CHLSN: variants seen among roughly 807,000 people sequenced by gnomAD.
The protein encoded by CHLSN is cholesin.
At chr7:997,246 G>A in the CHLSN span, 1 of 177,964 alleles carries the variant, frequency 5.6e-6, no homozygotes, top group Non-Finnish European at 1.2e-5. Context: ...GCTGGCGGGA[G>A]GAGCCAGCAT....
chr7:1,047,519 A>C, the CHLSN span, among the ~76,000 whole-genome samples: 1 of 152,384 alleles, frequency 6.6e-6, no homozygotes, highest in East Asian at 1.9e-4. Context: ...TTTCCTAAGC[A>C]TCTGGCTCCT....
the CHLSN span, among the ~76,000 whole-genome samples, chr7:1,060,009 G>GGCGGGTCCGTAGTGAA: frequency 1.4e-3 from 127 of 88,186 alleles, no homozygotes; most frequent in Middle Eastern, 5.5e-3. Flanking sequence ...TCTGTAGTGG[G>GGCGGGTCCGTAGTGAA]GCGGGTCCGT....
chr7:988,418 G>C, the CHLSN span: 1 of 1,612,516 alleles, frequency 6.2e-7, no homozygotes, highest in Non-Finnish European at 8.5e-7. Context: ...TTTCTCTGCA[G>C]GTCAGCAGCC....
At chr7:1,044,843 C>T in the CHLSN span, among the ~76,000 whole-genome samples, 1 of 152,082 alleles carries the variant, frequency 6.6e-6, no homozygotes, top group African/African-American at 2.4e-5. Flanking sequence ...CGCTGTCCTC[C>T]GGCCGCGCTC....
At chr7:1,018,543 G>A in the CHLSN span, among the ~76,000 whole-genome samples, 3 of 151,930 alleles carry the variant, frequency 2.0e-5, no homozygotes, top group African/African-American at 7.3e-5. Context: ...CCTGCCCAGT[G>A]GGAGCAGGCA....
chr7:1,041,820 C>T, the CHLSN span, among the ~76,000 whole-genome samples: 3 of 152,176 alleles, frequency 2.0e-5, 1 homozygote, highest in African/African-American at 7.2e-5. Flanking sequence ...AGAAAGCCCA[C>T]GTGCAGACAG....
the CHLSN span, among the ~76,000 whole-genome samples, chr7:1,010,734 T>C: frequency 1.4e-4 from 21 of 152,042 alleles, no homozygotes; most frequent in African/African-American, 4.6e-4. Flanking sequence ...GCACAGGCCC[T>C]CCGTCTTGCC....
At chr7:1,069,288 G>A in the CHLSN span, among the ~76,000 whole-genome samples, 8 of 152,080 alleles carry the variant, frequency 5.3e-5, no homozygotes, top group Non-Finnish European at 1.2e-4. Context: ...CCAAGATTGC[G>A]CCACTGCACT....
At chr7:1,061,406 C>A in the CHLSN span, among the ~76,000 whole-genome samples, 3 of 152,088 alleles carry the variant, frequency 2.0e-5, no homozygotes, top group East Asian at 5.8e-4. Context: ...TGCCCCAACC[C>A]CCTACCCAGC....
At chr7:983,339 A>C in the CHLSN span, 1 of 1,538,390 alleles carries the variant, frequency 6.5e-7, no homozygotes, top group Non-Finnish European at 8.7e-7. Flanking sequence ...CTCGTCGGGA[A>C]CCTGCACTTG....
the CHLSN span, among the ~76,000 whole-genome samples, chr7:1,106,482 C>T: frequency 6.6e-6 from 1 of 152,160 alleles, no homozygotes; most frequent in Non-Finnish European, 1.5e-5. Context: ...GAGGGGCAGG[C>T]AGGGGCCAGA....
At chr7:1,026,431 C>T in the CHLSN span, 2 of 152,252 alleles carry the variant, frequency 1.3e-5, no homozygotes, top group East Asian at 3.9e-4. Context: ...CCGTGTCCTT[C>T]CTAGCTGTGA....
At chr7:1,055,781 G>A in the CHLSN span, among the ~76,000 whole-genome samples, 11 of 152,120 alleles carry the variant, frequency 7.2e-5, no homozygotes, top group Admixed American at 4.6e-4. Flanking sequence ...CAGCCCTCCC[G>A]CTCCGATCTT....
chr7:988,507 A>C, the CHLSN span: 3 of 1,597,986 alleles, frequency 1.9e-6, no homozygotes, highest in East Asian at 6.8e-5. Context: ...CTCTGCACCC[A>C]CCTCCTGATC....
At chr7:1,016,530 A>AGG in the CHLSN span, among the ~76,000 whole-genome samples, 1 of 144,302 alleles carries the variant, frequency 6.9e-6, no homozygotes, top group Non-Finnish European at 1.5e-5. Flanking sequence ...AGCACACACC[A>AGG]GCACAAAGCA....
At chr7:1,039,016 T>G in the CHLSN span, among the ~76,000 whole-genome samples, 1 of 57,102 alleles carries the variant, frequency 1.8e-5, no homozygotes, top group Non-Finnish European at 3.6e-5. Flanking sequence ...GGTGGGGGTG[T>G]CGGCCCCCCG....
chr7:1,004,889 G>A, the CHLSN span, among the ~76,000 whole-genome samples: 1 of 152,298 alleles, frequency 6.6e-6, no homozygotes, highest in Admixed American at 6.5e-5. Context: ...CCACTGCAGG[G>A]TCATCTGTCC....
At chr7:1,061,053 G>A in the CHLSN span, among the ~76,000 whole-genome samples, 5 of 152,210 alleles carry the variant, frequency 3.3e-5, no homozygotes, top group Non-Finnish European at 7.3e-5. Flanking sequence ...TCCCAGGAAA[G>A]GGGCGGACCC....
chr7:1,057,404 A>G, the CHLSN span: 3 of 609,638 alleles, frequency 4.9e-6, no homozygotes, highest in Non-Finnish European at 8.8e-6. Context: ...TTACTGCACC[A>G]GGAGAAGGCA....
Sources: allele counts gnomAD v4.1 joint callset (sites outside exome capture counted in the v4.1 genomes callset), GRCh38; gene constraint gnomAD v4.1.1; transcripts MANE v1.5; gene names NCBI Gene and HGNC (gene_info 2026-07-23, HGNC 2026-07-21).